The following CEP89 variants were observed in gnomAD, a reference collection of about 807,000 sequenced individuals.
CEP89 encodes centrosomal protein 89, also known as centrosomal protein of 89 kDa.
In CEP89, 95 loss-of-function variants were observed where a neutral mutation model predicts 97.6. The ratio of observed to expected loss-of-function variants is 0.97; its 90% CI spans 0.82 to 1.15. CEP89 has a LOEUF of 1.15. CEP89 is among the 50% of genes most tolerant of loss of function. CEP89 has a pLI of 0.00. For missense variants in CEP89, 869 were observed against 947.7 expected (o/e 0.92, Z 1.09); for synonymous variants, 354 against 349.1 (o/e 1.01, Z -0.16).
At position 32,901,601 on chromosome 19, in the gene CEP89, C is replaced by T. The variant is rs376002755; in HGVS notation, c.1566-189G>A. Among the ~76,000 whole-genome samples the T allele has an allele frequency of 1.8e-4, 27 of 152,012 alleles. 2 individuals carry two copies. The South Asian group carries it at 5.2e-3, about 29-fold the overall frequency. On this transcript the variant is annotated intron_variant, in intron 14 of 18. Transcript: ENST00000305768. ...ACCTGGGACCAAGCTGCTAGACCAC[C>T]GGAGAGAGGGTGTGGCTGGGCACAC...
rs1237853606 is a variant in CEP89, at chr19:32,876,937, G to C, written c.*2225C>G. The C allele has an allele frequency of 1.3e-5, 2 of 152,280 alleles. No individual in the cohort carries two copies. The highest frequency in any genetic ancestry group is 4.8e-5 in the African/African-American group (2 of 41,484). The allele number at this position is 152,280 out of a possible 1,614,324, so 9.4% of individuals were successfully genotyped here. ...TGTTTGCATAAAAGGCAGAAAGACA[G>C]GGATGTCAACAGTGGTTCTCTAGGT... is the stretch of plus-strand genomic sequence containing the variant. On this transcript the variant is annotated 3_prime_UTR_variant, in exon 19 of 19. Coordinates refer to ENST00000305768, the MANE Select transcript of CEP89 (RefSeq NM_032816.5).
intron 14 of CEP89, among the ~76,000 whole-genome samples, chr19:32,910,797 ACT>A (rs754197603): frequency 1.7e-4 from 26 of 152,180 alleles, no homozygotes; most frequent in Non-Finnish European, 3.5e-4. Flanking sequence ...CCCACTGGAA[ACT>A]CTTCAGGGTC....
At chr19:32,892,724 A>T (rs1969559498) in intron 16 of CEP89, among the ~76,000 whole-genome samples, 2 of 151,662 alleles carry the variant, frequency 1.3e-5, no homozygotes, top group Non-Finnish European at 1.5e-5. Flanking sequence ...TACTATACCC[A>T]GCAAAGTTAT....
At chr19:32,911,735 T>C (rs537947535) in intron 14 of CEP89, among the ~76,000 whole-genome samples, 5 of 152,288 alleles carry the variant, frequency 3.3e-5, no homozygotes, top group African/African-American at 1.2e-4. Context: ...TTGGAATCAC[T>C]AGCATTTACT....
At chr19:32,964,020 T>C (rs561529003) in intron 2 of CEP89, among the ~76,000 whole-genome samples, 9 of 151,662 alleles carry the variant, frequency 5.9e-5, no homozygotes, top group Non-Finnish European at 1.3e-4. Context: ...ATGAAGCAAC[T>C]GGACTCATAT....
chr19:32,916,879 G>A (rs7252520), intron 13 of CEP89, among the ~76,000 whole-genome samples: 41,172 of 151,866 alleles, frequency 0.27, 5,860 homozygotes, highest in East Asian at 0.57. Context: ...GTGGTGGCGC[G>A]TGACTGTAAT....
intron 12 of CEP89, 51 bp downstream of exon 12, chr19:32,923,388 G>C: frequency 1.2e-6 from 1 of 858,834 alleles, no homozygotes; most frequent in Non-Finnish European, 1.9e-6. Flanking sequence ...ATATTTTCCT[G>C]TTACCATTTG....
chr19:32,884,067 C>T (rs752393903), intron 17 of CEP89, among the ~76,000 whole-genome samples: 2 of 151,992 alleles, frequency 1.3e-5, no homozygotes, highest in East Asian at 1.9e-4. Context: ...ACTACAGCCT[C>T]GAACTCTCAG....
chr19:32,904,766 A>G (rs1302191520), intron 14 of CEP89, among the ~76,000 whole-genome samples: 1 of 151,948 alleles, frequency 6.6e-6, no homozygotes, highest in East Asian at 1.9e-4. Flanking sequence ...GAATTTTTGT[A>G]TTTTTAGTAG....
At chr19:32,887,116 G>C (rs1281389742) in intron 17 of CEP89, among the ~76,000 whole-genome samples, 1 of 151,534 alleles carries the variant, frequency 6.6e-6, no homozygotes, top group Admixed American at 6.6e-5. Context: ...CACTGAGCCC[G>C]GGAGTTCGAG....
intron 7 of CEP89, among the ~76,000 whole-genome samples, chr19:32,934,268 T>C (rs997581062): frequency 6.6e-6 from 1 of 151,932 alleles, no homozygotes; most frequent in Non-Finnish European, 1.5e-5. Context: ...CAGGCTTGGG[T>C]TGGTACAGAG....
intron 5 of CEP89, among the ~76,000 whole-genome samples, chr19:32,942,681 G>A (rs997470559): frequency 6.6e-6 from 1 of 152,046 alleles, no homozygotes; most frequent in Non-Finnish European, 1.5e-5. Context: ...TCTACTTTGT[G>A]TCCTGTGTTC....
Position 32,901,405 on chromosome 19 carries a change from G to A in CEP89, c.1573C>T (p.Gln525Ter). The A allele has an allele frequency of 6.2e-7, 1 of 1,610,848 alleles. No homozygotes were observed. Among genetic ancestry groups the A allele is most frequent in the Non-Finnish European group, 8.5e-7 (1 of 1,179,264 alleles). The change falls in exon 15 of 19, where the codon CAG (glutamine) becomes TAG (stop). Residue 525 changes from glutamine (Q) to a stop codon, truncating the protein, a stop_gained. Coordinates refer to ENST00000305768, the MANE Select transcript of CEP89 (RefSeq NM_032816.5). LOFTEE classifies it high-confidence loss of function. ...GCCCTTTCTTTCTCTTCTTCCTTCT[G>A]TAATTGGCTGAAGGACAAAAACATT... ...SIVNELKSQL[Q>*]KEEEKERAEM...
intron 14 of CEP89, among the ~76,000 whole-genome samples, chr19:32,910,371 G>A (rs1267036808): frequency 6.6e-6 from 1 of 152,086 alleles, no homozygotes; most frequent in Non-Finnish European, 1.5e-5. Context: ...CATGAATAGA[G>A]CTTGCAGGAC....
intron 12 of CEP89, among the ~76,000 whole-genome samples, chr19:32,920,205 T>G (rs1970219449): frequency 6.6e-6 from 1 of 152,002 alleles, no homozygotes; most frequent in African/African-American, 2.4e-5. Flanking sequence ...GCCCAGCTAA[T>G]TTTTAATTGT....
Position 32,923,517 on chromosome 19 carries a change from C to G in CEP89, c.1190G>C (p.Arg397Pro). The change falls in exon 12 of 19, where the codon CGA becomes CCA. Residue 397 changes from arginine to proline, a missense_variant. Physicochemically the swap from Arg to Pro is moderately radical, Grantham distance 103. Coordinates refer to ENST00000305768, the MANE Select transcript of CEP89 (RefSeq NM_032816.5). ...LKEEMRMFRM[R>P]VQEVVKENEE... ...ATTTTCTTTCACCACTTCTTGGACT[C>G]GCATCCTAAACATTCTCATTTCCTC... 1.2e-6 allele frequency: 2 copies of G among 1,603,296 alleles called. No homozygotes were observed. The highest frequency in any genetic ancestry group is 1.7e-6 in the Non-Finnish European group (2 of 1,170,514).
At chr19:32,953,014 A>G (rs2145957906) in intron 4 of CEP89, among the ~76,000 whole-genome samples, 1 of 152,046 alleles carries the variant, frequency 6.6e-6, no homozygotes, top group African/African-American at 2.4e-5. Context: ...AAATGTCATT[A>G]TCTAGTTTCC....
intron 2 of CEP89, among the ~76,000 whole-genome samples, chr19:32,965,501 G>A (rs972555641): frequency 3.0e-4 from 45 of 151,736 alleles, no homozygotes; most frequent in African/African-American, 1.1e-3. Flanking sequence ...CAGGATTTCA[G>A]CCTGGGAAAC....
intron 3 of CEP89, among the ~76,000 whole-genome samples, chr19:32,954,574 A>T (rs896738689): frequency 1.3e-5 from 2 of 151,108 alleles, no homozygotes; most frequent in African/African-American, 4.9e-5. Context: ...GCTGGTCTTG[A>T]ACTCCTTGGC....
Sources: gnomAD v4.1 joint callset for allele counts (sites outside exome capture counted in the v4.1 genomes callset) on GRCh38, gnomAD v4.1.1 for gene constraint, MANE v1.5 for transcripts, NCBI Gene and HGNC (gene_info 2026-07-23, HGNC 2026-07-21) for gene names.